Variants in ARL8B observed in about 807,000 individuals in gnomAD.
ARL8B encodes ADP-ribosylation factor-like protein 8B.
Under a neutral mutation model 30.6 loss-of-function variants are expected in ARL8B, and 9 were observed. The ratio of observed to expected loss-of-function variants is 0.29; its 90% CI spans 0.18 to 0.51. The LOEUF is 0.51. Ranked by LOEUF, ARL8B falls within the 20% of genes least tolerant of loss-of-function variation. ARL8B has a pLI of 0.97. For synonymous variants in ARL8B, 74 were observed against 76.0 expected (o/e 0.97, Z 0.14); for missense variants, 130 against 227.2 (o/e 0.57, Z 2.75).
intron 1 of ARL8B, among the ~76,000 whole-genome samples, chr3:5,122,979 T>C (rs1461990437): frequency 6.6e-6 from 1 of 152,154 alleles, no homozygotes; most frequent in East Asian, 1.9e-4. Context: ...AAGGGTGGGA[T>C]TTGGCAAATC....
chr3:5,148,789 T>C (rs964224303), intron 1 of ARL8B, among the ~76,000 whole-genome samples: 2 of 152,172 alleles, frequency 1.3e-5, no homozygotes, highest in South Asian at 2.1e-4. Flanking sequence ...AAAACAGCGA[T>C]GCCTTATCTT....
chr3:5,170,707 A>ATT, intron 2 of ARL8B, 124 bp downstream of exon 2: 1 of 633,616 alleles, frequency 1.6e-6, no homozygotes, highest in Non-Finnish European at 2.7e-6. Flanking sequence ...GCATGTTTCA[A>ATT]AAGAATAGGT....
At chr3:5,123,250 G>A (rs2054199601) in intron 1 of ARL8B, among the ~76,000 whole-genome samples, 1 of 152,176 alleles carries the variant, frequency 6.6e-6, no homozygotes, top group Non-Finnish European at 1.5e-5. Flanking sequence ...TAGATAAGAT[G>A]GATCTGCAGT....
chr3:5,160,928 G>A (rs935692741), intron 1 of ARL8B, among the ~76,000 whole-genome samples: 23 of 152,140 alleles, frequency 1.5e-4, no homozygotes, highest in African/African-American at 5.3e-4. Context: ...TTTTGAGACA[G>A]AGTCTGGCTT....
chr3:5,150,017 T>C (rs1468857490), intron 1 of ARL8B, among the ~76,000 whole-genome samples: 2 of 152,216 alleles, frequency 1.3e-5, no homozygotes, highest in Non-Finnish European at 2.9e-5. Flanking sequence ...TATATCATTG[T>C]ACTTGTTTTA....
intron 1 of ARL8B, among the ~76,000 whole-genome samples, chr3:5,131,323 T>G (rs779926770): frequency 1.3e-5 from 2 of 152,060 alleles, no homozygotes; most frequent in Non-Finnish European, 2.9e-5. Flanking sequence ...AAACCTACAT[T>G]TCTCTCCTTC....
intron 1 of ARL8B, among the ~76,000 whole-genome samples, chr3:5,165,398 T>C (rs988821897): frequency 6.6e-6 from 1 of 152,186 alleles, no homozygotes. Context: ...AATTAAAAGT[T>C]CTTAGAAGGA....
At chr3:5,141,539 T>G (rs568792332) in intron 1 of ARL8B, among the ~76,000 whole-genome samples, 3 of 152,342 alleles carry the variant, frequency 2.0e-5, no homozygotes, top group Admixed American at 6.5e-5. Context: ...GCTACAATTA[T>G]GAGAGATGTA....
At chr3:5,125,348 C>A (rs889936535) in intron 1 of ARL8B, among the ~76,000 whole-genome samples, 9 of 152,112 alleles carry the variant, frequency 5.9e-5, no homozygotes, top group Non-Finnish European at 1.2e-4. Flanking sequence ...CAACTGGTAT[C>A]ATTTTCTACT....
At chr3:5,122,740 A>G in intron 1 of ARL8B, 152 bp downstream of exon 1, 1 of 928,162 alleles carries the variant, frequency 1.1e-6, no homozygotes, top group East Asian at 2.8e-5. Context: ...GAGGGCCAGC[A>G]TTTGGAATTT....
chr3:5,165,448 C>T lies in ARL8B; in HGVS notation c.124-5055C>T, dbSNP rs566220755. 2.0e-5 allele frequency among the ~76,000 whole-genome samples: 3 copies of T among 152,212 alleles called. No homozygotes were observed. In the East Asian group the frequency reaches 5.8e-4, roughly 29 times the overall value. Reference sequence around the variant, plus strand: ...GGGTATTTAGTTGGTCATATCCTCTCGTTTGCCCAGTGTGTGAATTTTGGA... The same window carrying T: ...GGGTATTTAGTTGGTCATATCCTCTTGTTTGCCCAGTGTGTGAATTTTGGA... On this transcript the variant is annotated intron_variant, in intron 1 of 6. Coordinates refer to ENST00000256496, the MANE Select transcript of ARL8B (RefSeq NM_018184.3).
At chr3:5,146,317 TG>T (rs1195667212) in intron 1 of ARL8B, among the ~76,000 whole-genome samples, 1 of 152,240 alleles carries the variant, frequency 6.6e-6, no homozygotes, top group Non-Finnish European at 1.5e-5. Context: ...GTGGCAGGTC[TG>T]GACAATTTGA....
intron 1 of ARL8B, among the ~76,000 whole-genome samples, chr3:5,150,463 A>AAAATAAATAAATAAATAAATAAATAAAT (rs4054853): frequency 1.4e-5 from 2 of 145,954 alleles, no homozygotes; most frequent in South Asian, 2.2e-4. Context: ...AATCCATGTC[A>AAAATAAATAAATAAATAAATAAATAAAT]AAATAAATAA....
chr3:5,124,701 C>T (rs371030185), intron 1 of ARL8B, among the ~76,000 whole-genome samples: 36 of 152,234 alleles, frequency 2.4e-4, no homozygotes, highest in East Asian at 1.5e-3. Context: ...TGGTCTTGAG[C>T]TCCTGGCCTC....
In ARL8B at chr3:5,180,249, A is replaced by T. The variant is rs1347214732; in HGVS notation, c.*1536A>T. The T allele has an allele frequency of 6.6e-6, 1 of 152,658 alleles. No homozygotes were observed. The highest frequency in any genetic ancestry group is 1.9e-4 in the East Asian group (1 of 5,206). 9.5% of individuals were successfully genotyped at this position (152,658 alleles called of 1,614,324 possible). On this transcript the variant is annotated 3_prime_UTR_variant, in exon 7 of 7. Transcript: ENST00000256496. ...CAATATACTGCACTGTGTTGCACAG[A>T]CACTACTTGCTTTTCTCCATTCATA...
intron 1 of ARL8B, among the ~76,000 whole-genome samples, chr3:5,149,494 T>A (rs1443710589): frequency 6.6e-6 from 1 of 152,214 alleles, no homozygotes; most frequent in Non-Finnish European, 1.5e-5. Context: ...CTGGGGCAGT[T>A]ACGACAGGCA....
At chr3:5,153,406 C>G (rs1380744706) in intron 1 of ARL8B, among the ~76,000 whole-genome samples, 2 of 152,148 alleles carry the variant, frequency 1.3e-5, no homozygotes, top group Non-Finnish European at 2.9e-5. Context: ...CACAAGCTCT[C>G]TCTTTGCCTG....
At chr3:5,137,182 T>A (rs1455664524) in intron 1 of ARL8B, among the ~76,000 whole-genome samples, 1 of 152,068 alleles carries the variant, frequency 6.6e-6, no homozygotes, top group Non-Finnish European at 1.5e-5. Flanking sequence ...TGAGAATACT[T>A]GCCCCATGAG....
chr3:5,156,890 G>C (rs1457042068), intron 1 of ARL8B: 1 of 151,468 alleles, frequency 6.6e-6, no homozygotes, highest in East Asian at 1.9e-4. Context: ...ACATGAGCCA[G>C]TCACTGTGCC....
Sources: allele counts gnomAD v4.1 joint callset (sites outside exome capture counted in the v4.1 genomes callset), GRCh38; gene constraint gnomAD v4.1.1; transcripts MANE v1.5; gene names NCBI Gene and HGNC (gene_info 2026-07-23, HGNC 2026-07-21).